DCC: variants seen among roughly 807,000 people sequenced by gnomAD.
DCC encodes the protein netrin receptor DCC.
A neutral mutation model predicts 172.5 loss-of-function variants in DCC; 58 were observed. That is an observed-to-expected ratio of 0.34 (90% CI 0.27 to 0.42). DCC has a LOEUF of 0.42. DCC is among the 10% of genes least tolerant of loss of function. DCC has a pLI of 1.00. For missense variants in DCC, 1,740 were observed against 1,791.0 expected (o/e 0.97, Z 0.51); for synonymous variants, 709 against 644.5 (o/e 1.10, Z -1.52).
chr18:53,242,081 G>A (rs1349559439), intron 12 of DCC, among the ~76,000 whole-genome samples: 1 of 152,084 alleles, frequency 6.6e-6, no homozygotes, highest in Non-Finnish European at 1.5e-5. Flanking sequence ...CTCTTTAGTT[G>A]CAACAAAATT....
intron 5 of DCC, among the ~76,000 whole-genome samples, chr18:52,928,702 A>C (rs1364385008): frequency 6.6e-6 from 1 of 152,182 alleles, no homozygotes; most frequent in Admixed American, 6.6e-5. Flanking sequence ...AGCCCATTAG[A>C]TAACAACCCT....
At chr18:52,807,459 C>G (rs999891125) in intron 2 of DCC, among the ~76,000 whole-genome samples, 3 of 152,146 alleles carry the variant, frequency 2.0e-5, no homozygotes, top group African/African-American at 7.2e-5. Context: ...AAAGAGAAAG[C>G]TGCGTATATA....
chr18:52,906,136 C>A lies in DCC; in HGVS notation c.505C>A (p.Pro169Thr), dbSNP rs2039878176. 2 of 1,613,956 alleles carry A rather than the reference C, an allele frequency of 1.2e-6. No individual in the cohort carries two copies. Among genetic ancestry groups the A allele is most frequent in the Non-Finnish European group, 1.7e-6 (2 of 1,179,986 alleles). ...GTGTGAAGTCATTGGGGAGCCCATG[C>A]CAACAATCCACTGGCAGAAGAACCA... The part of the protein sequence containing the change: ...LKCEVIGEPM[P>T]TIHWQKNQQD... Residue 169 changes from proline to threonine, a missense_variant, in exon 3 of 29, where the codon CCA (proline) becomes ACA (threonine). By Grantham distance (38) the Pro-to-Thr change is conservative. Coordinates refer to ENST00000442544, the MANE Select transcript of DCC (RefSeq NM_005215.4).
At chr18:53,423,929 A>C (rs11874135) in intron 21 of DCC, among the ~76,000 whole-genome samples, 65,653 of 152,086 alleles carry the variant, frequency 0.43, 15,985 homozygotes, top group Non-Finnish European at 0.56. Flanking sequence ...TTGAATGAAA[A>C]GTGTAGATTG....
intron 1 of DCC, among the ~76,000 whole-genome samples, chr18:52,525,490 C>G (rs1249691719): frequency 6.6e-6 from 1 of 152,194 alleles, no homozygotes; most frequent in Admixed American, 6.5e-5. Context: ...TAGTCATCCC[C>G]ATTCATTTAC....
chr18:52,743,706 A>T (rs1253068055), intron 1 of DCC, among the ~76,000 whole-genome samples: 6 of 152,194 alleles, frequency 3.9e-5, no homozygotes, highest in African/African-American at 7.2e-5. Context: ...GGAAGATGCC[A>T]TGTGCTCGGA....
At chr18:52,539,321 A>G (rs1411146211) in intron 1 of DCC, among the ~76,000 whole-genome samples, 1 of 152,116 alleles carries the variant, frequency 6.6e-6, no homozygotes, top group East Asian at 1.9e-4. Flanking sequence ...AAAAAAAAAT[A>G]AGCTTGATTC....
chr18:53,496,650 A>G (rs186362965), intron 26 of DCC, among the ~76,000 whole-genome samples: 1 of 152,320 alleles, frequency 6.6e-6, no homozygotes, highest in Admixed American at 6.5e-5. Flanking sequence ...GGTGGGTAAT[A>G]AGAAACTCCT....
At chr18:52,794,992 G>A (rs1420142681) in intron 2 of DCC, among the ~76,000 whole-genome samples, 1 of 151,914 alleles carries the variant, frequency 6.6e-6, no homozygotes, top group East Asian at 1.9e-4. Context: ...TAATCATGAT[G>A]TATTATCTTT....
At position 52,886,976 on chromosome 18, in the gene DCC, G is replaced by T. The variant is rs115818792; in HGVS notation, c.413-19068G>T. Among the ~76,000 whole-genome samples, 315 of 152,246 alleles carry T rather than the reference G, an allele frequency of 2.1e-3. 1 individual carries two copies. Among genetic ancestry groups the T allele is most frequent in the African/African-American group, 7.2e-3 (299 of 41,560 alleles). On this transcript the variant is annotated intron_variant, in intron 2 of 28. Transcript: ENST00000442544. ...TTTTGCCCTTTAGCTATAGTTTGCT[G>T]CCTTCTGCCACTGACTGCTTCAAGA...
At chr18:53,157,573 G>T in intron 8 of DCC, 61 bp downstream of exon 8, 1 of 1,567,852 alleles carries the variant, frequency 6.4e-7, no homozygotes, top group African/African-American at 1.3e-5. Context: ...CAATACGGTT[G>T]GGTAATGGCA....
At chr18:52,466,172 C>A (rs1320227699) in intron 1 of DCC, among the ~76,000 whole-genome samples, 1 of 152,110 alleles carries the variant, frequency 6.6e-6, no homozygotes, top group Non-Finnish European at 1.5e-5. Context: ...GCTCCAAGCC[C>A]TTTAAAGAAC....
chr18:52,395,312 G>T (rs1005039021), intron 1 of DCC, among the ~76,000 whole-genome samples: 1 of 152,028 alleles, frequency 6.6e-6, no homozygotes, highest in East Asian at 1.9e-4. Flanking sequence ...CAGCAATTAT[G>T]GTCACAAGAC....
chr18:52,751,251 T>C (rs1455635483), intron 1 of DCC, among the ~76,000 whole-genome samples: 1 of 152,224 alleles, frequency 6.6e-6, no homozygotes, highest in Non-Finnish European at 1.5e-5. Context: ...TGACTCAACA[T>C]GTGAGTATTC....
intron 2 of DCC, among the ~76,000 whole-genome samples, chr18:52,891,716 C>T (rs1184109946): frequency 6.6e-6 from 1 of 152,088 alleles, no homozygotes; most frequent in East Asian, 1.9e-4. Flanking sequence ...TGACCCATCC[C>T]TTTTCCTCAT....
At chr18:52,894,681 C>G (rs1233643309) in intron 2 of DCC, among the ~76,000 whole-genome samples, 1 of 151,708 alleles carries the variant, frequency 6.6e-6, no homozygotes, top group African/African-American at 2.4e-5. Flanking sequence ...GCCTCAGAAC[C>G]AGGAGACTTG....
At chr18:53,012,404 G>A (rs2041743639) in intron 5 of DCC, among the ~76,000 whole-genome samples, 1 of 151,832 alleles carries the variant, frequency 6.6e-6, no homozygotes, top group Admixed American at 6.6e-5. Flanking sequence ...AACATTCTGA[G>A]GGAACAAAAT....
chr18:53,179,180 A>C, intron 9 of DCC, 64 bp downstream of exon 9: 1 of 1,482,908 alleles, frequency 6.7e-7, no homozygotes, highest in Middle Eastern at 1.9e-4. Context: ...ATATCCTTGA[A>C]TTCTTTCACA....
chr18:53,396,155 GTATGA>G (rs766830373), intron 17 of DCC, among the ~76,000 whole-genome samples: 16 of 151,600 alleles, frequency 1.1e-4, no homozygotes, highest in Non-Finnish European at 1.6e-4. Context: ...GGTAAGATAC[GTATGA>G]TATGAGTGGG....
Sources: allele counts gnomAD v4.1 joint callset (sites outside exome capture counted in the v4.1 genomes callset), GRCh38; gene constraint gnomAD v4.1.1; transcripts MANE v1.5; gene names NCBI Gene and HGNC (gene_info 2026-07-23, HGNC 2026-07-21).